Variants in PREPL observed in about 807,000 individuals in gnomAD.
PREPL encodes prolyl endopeptidase-like.
A neutral mutation model predicts 70.6 loss-of-function variants in PREPL; 77 were observed. The ratio of observed to expected loss-of-function variants is 1.09; its 90% CI spans 0.91 to 1.32. The LOEUF (loss-of-function observed/expected upper bound fraction) is 1.32. Ranked by LOEUF, PREPL falls within the 40% of genes most tolerant of loss-of-function variation. The pLI is 0.00. For synonymous variants in PREPL, 315 were observed against 264.8 expected (o/e 1.19, Z -1.84); for missense variants, 1,002 against 778.2 (o/e 1.29, Z -3.42).
At position 44,343,763 on chromosome 2, in the gene PREPL, G is replaced by C. The variant is rs771626380; in HGVS notation, c.331C>G (p.Pro111Ala). 2 of 1,613,690 alleles carry C rather than the reference G, an allele frequency of 1.2e-6. No homozygotes were observed. The highest frequency in any genetic ancestry group is 1.3e-5 in the African/African-American group (1 of 75,018). ...SDQPVMEASFPNVSSFEWVKD... is the reference protein window; with the variant it reads ...SDQPVMEASFANVSSFEWVKD... ...GGCTTACCAAAACTGGACACATTCG[G>C]GAAAGAAGCTTCCATTACGGGCTGA... The change falls in exon 4 of 14, where the codon CCG becomes GCG. Residue 111 changes from proline to alanine, a missense_variant. By Grantham distance (27) the Pro-to-Ala change is conservative. Coordinates refer to ENST00000409411, the MANE Select transcript of PREPL (RefSeq NM_001171613.2).
chr2:44,346,069 CATTT>C (rs1675784043), intron 2 of PREPL, among the ~76,000 whole-genome samples, 195 bp downstream of exon 2: 1 of 152,026 alleles, frequency 6.6e-6, no homozygotes, highest in East Asian at 1.9e-4. Flanking sequence ...TCGATCTTTA[CATTT>C]ATTAAAAGAT....
At chr2:44,353,482 G>A (rs1309054281) in intron 1 of PREPL, among the ~76,000 whole-genome samples, 4 of 151,964 alleles carry the variant, frequency 2.6e-5, no homozygotes, top group African/African-American at 9.7e-5. Flanking sequence ...CAGCTACTCG[G>A]GGGGCCTTGG....
At chr2:44,349,881 A>C (rs1558515312) in intron 1 of PREPL, among the ~76,000 whole-genome samples, 1 of 152,212 alleles carries the variant, frequency 6.6e-6, no homozygotes, top group Non-Finnish European at 1.5e-5. Flanking sequence ...AGGAAGAAAA[A>C]TTACCAAAAT....
chr2:44,323,563 C>G (rs1673195753), intron 10 of PREPL, 152 bp from the exon 11 acceptor site: 1 of 516,150 alleles, frequency 1.9e-6, no homozygotes, highest in Non-Finnish European at 3.2e-6. Flanking sequence ...CAGTCCTTAA[C>G]CAGGGCCTGT....
chr2:44,361,019 C>T (rs541562786), intron 1 of PREPL, among the ~76,000 whole-genome samples: 7 of 152,124 alleles, frequency 4.6e-5, no homozygotes, highest in Non-Finnish European at 7.4e-5. Flanking sequence ...GTTTACTAGC[C>T]GACACTAGTA....
intron 1 of PREPL, among the ~76,000 whole-genome samples, chr2:44,348,689 A>G (rs1676081642): frequency 6.6e-6 from 1 of 152,188 alleles, no homozygotes; most frequent in African/African-American, 2.4e-5. Flanking sequence ...TATCTGAACC[A>G]AAATAACTCT....
intron 1 of PREPL, among the ~76,000 whole-genome samples, chr2:44,352,794 G>A (rs1054970935): frequency 6.6e-6 from 1 of 151,966 alleles, no homozygotes; most frequent in Middle Eastern, 3.4e-3. Context: ...AATAATAATA[G>A]AACAAATATG....
intron 10 of PREPL, 108 bp downstream of exon 10, chr2:44,326,604 G>C (rs1187967465): frequency 2.6e-6 from 3 of 1,157,790 alleles, no homozygotes; most frequent in East Asian, 2.4e-5. Context: ...CGAAGTGCTG[G>C]GATTACAGGC....
rs758003119 is a variant in PREPL at position 44,322,812 on chromosome 2, G to T, written c.1672C>A (p.Arg558=). ...CTTACAATTCCTTTCAGAGGTACCCGTTCATCGTTTTCATATGCCGTTATG... is the reference window on the plus strand; with the variant it reads ...CTTACAATTCCTTTCAGAGGTACCCTTTCATCGTTTTCATATGCCGTTATG... The part of the protein sequence containing the change: ...IHITAYENDE[R]VPLKGIVSYT... Residue 558 remains arginine (R), a synonymous_variant, in exon 12 of 14, where the codon CGG becomes AGG. Coordinates refer to ENST00000409411, the MANE Select transcript of PREPL (RefSeq NM_001171613.2). 1 of 1,613,646 alleles carries T rather than the reference G, an allele frequency of 6.2e-7. No individual in the cohort carries two copies. The highest frequency in any genetic ancestry group is 8.5e-7 in the Non-Finnish European group (1 of 1,179,700).
Position 44,359,704 on chromosome 2 carries a change from C to G in PREPL, c.-49+1676G>C, listed in dbSNP as rs760360976. The G allele has an allele frequency of 3.1e-6, 5 of 1,609,250 alleles. No homozygotes were observed. The highest frequency in any genetic ancestry group is 3.4e-6 in the Non-Finnish European group (4 of 1,175,820). ...TCAAAGCTTGGAGAAATAATTTGGT[C>G]TTCTGCTGCATGATATCAAAGTCCC... On this transcript the variant is annotated intron_variant, in intron 1 of 13. Transcript: ENST00000409411.
intron 2 of PREPL, among the ~76,000 whole-genome samples, chr2:44,344,915 G>A (rs997685212): frequency 1.3e-5 from 2 of 152,166 alleles, no homozygotes; most frequent in Admixed American, 1.3e-4. Flanking sequence ...TACAGTGGGA[G>A]TCAATTAACA....
At chr2:44,321,793 G>C (rs1432087506) in intron 13 of PREPL, 34 bp downstream of exon 13, 2 of 1,613,760 alleles carry the variant, frequency 1.2e-6, no homozygotes, top group Non-Finnish European at 1.7e-6. Flanking sequence ...TCTAGTTCGG[G>C]AATCTGTCCA....
rs765538090 is a variant in PREPL, at chr2:44,318,845, T to C, written c.*2511A>G. The stretch of plus-strand genomic sequence containing the variant: ...ATGAGACAAAGGCAATTTTCAAAAA[T>C]TGATAAAACATTCCACCAAAAATCA... On this transcript the variant is annotated 3_prime_UTR_variant, in exon 14 of 14. Coordinates refer to ENST00000409411, the MANE Select transcript of PREPL (RefSeq NM_001171613.2). 2.0e-5 allele frequency: 3 copies of C among 152,200 alleles called. No individual in the cohort carries two copies. The highest frequency in any genetic ancestry group is 4.4e-5 in the Non-Finnish European group (3 of 68,028). 9.4% of individuals were successfully genotyped at this position (152,200 alleles called of 1,614,324 possible).
intron 7 of PREPL, among the ~76,000 whole-genome samples, chr2:44,334,936 G>A (rs1674483805): frequency 6.6e-6 from 1 of 152,102 alleles, no homozygotes; most frequent in South Asian, 2.1e-4. Flanking sequence ...ATTTTATAAT[G>A]CACTCACGCT....
In PREPL at chr2:44,343,762, G is replaced by C; in HGVS notation, c.332C>G (p.Pro111Arg). Residue 111 changes from proline to arginine, a missense_variant, in exon 4 of 14, where the codon CCG becomes CGG. By Grantham distance (103) the Pro-to-Arg change is moderately radical. Transcript: ENST00000409411. Reference protein sequence around the residue: ...SDQPVMEASFPNVSSFEWVKD... With the variant: ...SDQPVMEASFRNVSSFEWVKD... Reference sequence around the variant, plus strand: ...TGGCTTACCAAAACTGGACACATTCGGGAAAGAAGCTTCCATTACGGGCTG... The same window carrying C: ...TGGCTTACCAAAACTGGACACATTCCGGAAAGAAGCTTCCATTACGGGCTG... 2.5e-6 allele frequency: 4 copies of C among 1,613,526 alleles called. No individual in the cohort carries two copies. Among genetic ancestry groups the C allele is most frequent in the Non-Finnish European group, 3.4e-6 (4 of 1,179,502 alleles).
chr2:44,353,001 C>A (rs1453081262), intron 1 of PREPL, among the ~76,000 whole-genome samples: 2 of 152,140 alleles, frequency 1.3e-5, no homozygotes, highest in African/African-American at 4.8e-5. Context: ...AATCCCAGCA[C>A]TTTGGGAAGC....
intron 6 of PREPL, 131 bp downstream of exon 6, chr2:44,339,016 A>C (rs1481264103): frequency 7.1e-7 from 1 of 1,404,730 alleles, no homozygotes; most frequent in Non-Finnish European, 9.5e-7. Flanking sequence ...GGGAAAAGAA[A>C]TGGGATTGGT....
At position 44,321,344 on chromosome 2, in the gene PREPL, G is replaced by T; in HGVS notation, c.*12C>A. 1 of 1,583,110 alleles carries T rather than the reference G, an allele frequency of 6.3e-7. No homozygotes were observed. Among genetic ancestry groups the T allele is most frequent in the Non-Finnish European group, 8.7e-7 (1 of 1,153,062 alleles). On this transcript the variant is annotated 3_prime_UTR_variant, in exon 14 of 14. Coordinates refer to ENST00000409411, the MANE Select transcript of PREPL (RefSeq NM_001171613.2). ...TTCAGTGTGTTTCCAATTCCCAGTTGAATGCAGTGTTTCAGAATTTCAGGT... is the reference window on the plus strand; with the variant it reads ...TTCAGTGTGTTTCCAATTCCCAGTTTAATGCAGTGTTTCAGAATTTCAGGT...
In PREPL at chr2:44,323,549, T is replaced by C. The variant is rs931096543; in HGVS notation, c.1480-138A>G. On this transcript the variant is annotated intron_variant, in intron 10 of 13. Coordinates refer to ENST00000409411, the MANE Select transcript of PREPL (RefSeq NM_001171613.2). ...CCATGTAGATTCCTAGGAGCTAGAATACTCAGTCCTTAACCAGGGCCTGTA... is the reference window on the plus strand; with the variant it reads ...CCATGTAGATTCCTAGGAGCTAGAACACTCAGTCCTTAACCAGGGCCTGTA... 7 of 611,286 alleles carry C rather than the reference T, an allele frequency of 1.1e-5. No individual in the cohort carries two copies. In the Admixed American group the frequency reaches 2.7e-4, roughly 23 times the overall value. The allele number at this position is 611,286 out of a possible 1,614,324, so 37.9% of individuals were successfully genotyped here. A position where few individuals can be genotyped will look rare whatever the true frequency, so the allele number is the denominator to read the frequency against.
Sources: allele counts gnomAD v4.1 joint callset (sites outside exome capture counted in the v4.1 genomes callset), GRCh38; gene constraint gnomAD v4.1.1; transcripts MANE v1.5; gene names NCBI Gene and HGNC (gene_info 2026-07-23, HGNC 2026-07-21).